The following ROBO2 variants were observed in gnomAD, a reference collection of about 807,000 sequenced individuals.
The protein encoded by ROBO2 is roundabout guidance receptor 2, also known as roundabout homolog 2.
In ROBO2, 53 loss-of-function variants were observed where a neutral mutation model predicts 160.8. The observed-to-expected ratio is 0.33, with a 90% CI of 0.26 to 0.41. ROBO2 has a LOEUF of 0.41. Ranked by LOEUF, ROBO2 falls within the 10% of genes least tolerant of loss-of-function variation. The probability of loss-of-function intolerance (pLI) is 1.00; values close to 1 mark genes in which losing one functional copy is unlikely to be tolerated. For missense variants in ROBO2, 1,577 were observed against 1,722.4 expected (o/e 0.92, Z 1.49); for synonymous variants, 664 against 611.7 (o/e 1.09, Z -1.26).
chr3:77,091,863 C>T lies in ROBO2; in HGVS notation c.62-6151C>T, dbSNP rs368085982. Among the ~76,000 whole-genome samples, 7 of 151,884 alleles carry T rather than the reference C, an allele frequency of 4.6e-5. No homozygotes were observed. In the East Asian group the frequency reaches 7.8e-4, roughly 17 times the overall value. On this transcript the variant is annotated intron_variant, in intron 1 of 25. Transcript: ENST00000461745. Reference sequence around the variant, plus strand: ...GGTGTGGTGGTGCGTGCCTGTAGTCCCAGCTACCCAGGAGTCTGAGGCACG... The same window carrying T: ...GGTGTGGTGGTGCGTGCCTGTAGTCTCAGCTACCCAGGAGTCTGAGGCACG...
intron 2 of ROBO2, among the ~76,000 whole-genome samples, chr3:76,868,777 G>A (rs962726390): frequency 2.1e-5 from 3 of 141,872 alleles, no homozygotes; most frequent in African/African-American, 5.2e-5. Flanking sequence ...AGAGTTAATA[G>A]GAACTCAAAA....
intron 2 of ROBO2, among the ~76,000 whole-genome samples, chr3:76,136,491 G>A (rs949766122): frequency 6.6e-6 from 1 of 152,020 alleles, no homozygotes; most frequent in Admixed American, 6.6e-5. Context: ...TCTTGACTTG[G>A]GGAAAGCTTG....
At chr3:76,126,801 T>C (rs1516461) in intron 2 of ROBO2, among the ~76,000 whole-genome samples, 147,497 of 152,202 alleles carry the variant, frequency 0.97, 71,639 homozygotes, top group East Asian at 1. Context: ...TTAATACCTG[T>C]CTTGTATTTA....
At chr3:76,396,411 AC>A (rs1239012994) in intron 2 of ROBO2, among the ~76,000 whole-genome samples, 4 of 152,146 alleles carry the variant, frequency 2.6e-5, no homozygotes, top group Non-Finnish European at 4.4e-5. Context: ...GAAAACTGGC[AC>A]AAGACAGGGA....
intron 2 of ROBO2, among the ~76,000 whole-genome samples, chr3:77,444,319 T>C (rs924472204): frequency 6.6e-6 from 1 of 152,224 alleles, no homozygotes; most frequent in Admixed American, 6.5e-5. Flanking sequence ...CCTGATATAT[T>C]TGAGTATATA....
chr3:77,388,920 GT>G (rs1322622295), intron 2 of ROBO2, among the ~76,000 whole-genome samples: 1 of 152,150 alleles, frequency 6.6e-6, no homozygotes, highest in Non-Finnish European at 1.5e-5. Context: ...CGTCAGAGGG[GT>G]TTTTCTGATT....
At chr3:77,113,533 G>C (rs949042764) in intron 2 of ROBO2, among the ~76,000 whole-genome samples, 3 of 152,072 alleles carry the variant, frequency 2.0e-5, no homozygotes, top group Non-Finnish European at 2.9e-5. Flanking sequence ...CACATTATAA[G>C]GAAAAGCTTT....
At chr3:75,927,926 C>CTGT (rs571381296) in intron 1 of ROBO2, among the ~76,000 whole-genome samples, 40 of 148,946 alleles carry the variant, frequency 2.7e-4, no homozygotes, top group Non-Finnish European at 4.3e-4. Flanking sequence ...GTATGTGTGT[C>CTGT]TGTGTGTTCC....
chr3:76,145,107 A>G (rs2106793024), intron 2 of ROBO2, among the ~76,000 whole-genome samples: 1 of 117,378 alleles, frequency 8.5e-6, no homozygotes, highest in South Asian at 3.3e-4. Flanking sequence ...TAAAGAAGAG[A>G]AAAAAAAAAC....
intron 2 of ROBO2, among the ~76,000 whole-genome samples, chr3:75,997,540 T>C (rs776717407): frequency 3.4e-5 from 5 of 148,316 alleles, no homozygotes; most frequent in Non-Finnish European, 4.5e-5. Context: ...TCACCCAGGC[T>C]GGGGTGCAGT....
In ROBO2 at chr3:77,200,314, TATATA is replaced by T. The variant is rs1560218970; in HGVS notation, c.388+101975_388+101979del. Among the ~76,000 whole-genome samples, 51 of 86,626 alleles carry T rather than the reference TATATA, an allele frequency of 5.9e-4. 1 individual carries two copies. The South Asian group carries it at 1.0e-2, about 17-fold the overall frequency. The allele number at this position is 86,626 out of a possible 152,430, so 56.8% of individuals were successfully genotyped here. A position where few individuals can be genotyped will look rare whatever the true frequency, so the allele number is the denominator to read the frequency against. Reference sequence around the variant, plus strand: ...ATATATATATATATATATATATATATATATATATTTTAGTTTCTATAGGTAAAGGG... The same window carrying T: ...ATATATATATATATATATATATATATTATTTTAGTTTCTATAGGTAAAGGG... On this transcript the variant is annotated intron_variant, in intron 2 of 25. Coordinates refer to ENST00000461745, the Ensembl canonical transcript of ROBO2.
intron 2 of ROBO2, among the ~76,000 whole-genome samples, chr3:76,746,949 A>G (rs2093903557): frequency 6.6e-6 from 1 of 152,082 alleles, no homozygotes; most frequent in South Asian, 2.1e-4. Flanking sequence ...AATGGCGTCC[A>G]GGTCCATCCA....
intron 2 of ROBO2, among the ~76,000 whole-genome samples, chr3:76,594,350 G>C (rs2086608384): frequency 6.6e-6 from 1 of 151,902 alleles, no homozygotes. Flanking sequence ...ACAATTATAA[G>C]ACATCATTTA....
intron 2 of ROBO2, among the ~76,000 whole-genome samples, chr3:76,133,346 T>C (rs1018680416): frequency 2.0e-5 from 3 of 151,850 alleles, no homozygotes; most frequent in Non-Finnish European, 4.4e-5. Context: ...CCCTTTACTT[T>C]CACACTCAAA....
At chr3:77,598,933 A>T (rs1230585445) in intron 19 of ROBO2, among the ~76,000 whole-genome samples, 1 of 152,212 alleles carries the variant, frequency 6.6e-6, no homozygotes, top group African/African-American at 2.4e-5. Flanking sequence ...TACATGAAAA[A>T]GTGAATGCTT....
chr3:77,574,677 A>G, exon 14 of ROBO2: 2 of 1,613,356 alleles, frequency 1.2e-6, no homozygotes, highest in Non-Finnish European at 1.7e-6. Context: ...CCATATTTTA[A>G]TGAGTTCCAA....
At chr3:76,656,719 C>A (rs79344607) in intron 2 of ROBO2, among the ~76,000 whole-genome samples, 1 of 152,058 alleles carries the variant, frequency 6.6e-6, no homozygotes, top group Admixed American at 6.5e-5. Flanking sequence ...CTCAGACCTC[C>A]GAGACATTAT....
rs138586163 is a variant in ROBO2 at position 76,740,243 on chromosome 3, G to A, written c.110-357771G>A. 2.3e-3 allele frequency among the ~76,000 whole-genome samples: 345 copies of A among 152,248 alleles called. 2 individuals carry two copies. Among genetic ancestry groups the A allele is most frequent in the African/African-American group, 7.8e-3 (324 of 41,542 alleles). ...GAGAAAAATGTCTTGTGAAAACCTCGAATGGTAACTCAGTGTGTTGATGAG... is the reference window on the plus strand; with the variant it reads ...GAGAAAAATGTCTTGTGAAAACCTCAAATGGTAACTCAGTGTGTTGATGAG... On this transcript the variant is annotated intron_variant, in intron 2 of 26. Coordinates refer to the ROBO2 transcript ENST00000487694.
intron 8 of ROBO2, among the ~76,000 whole-genome samples, chr3:77,554,261 G>GA (rs964504295): frequency 8.6e-5 from 13 of 151,422 alleles, no homozygotes; most frequent in African/African-American, 1.2e-4. Flanking sequence ...CTACTCTGCA[G>GA]AAAAAAAAAT....
Sources: gnomAD v4.1 joint callset for allele counts (sites outside exome capture counted in the v4.1 genomes callset) on GRCh38, gnomAD v4.1.1 for gene constraint, MANE v1.5 for transcripts, NCBI Gene and HGNC (gene_info 2026-07-23, HGNC 2026-07-21) for gene names.